Variants in ZNF704 observed in about 807,000 individuals in gnomAD.
The protein encoded by ZNF704 is glucocorticoid induced gene 1.
In ZNF704, 10 loss-of-function variants were observed where a neutral mutation model predicts 44.7. The ratio of observed to expected loss-of-function variants is 0.22; its 90% CI spans 0.14 to 0.38. The LOEUF (loss-of-function observed/expected upper bound fraction) is 0.38. ZNF704 is among the 10% of genes least tolerant of loss of function. The pLI, the probability that ZNF704 is intolerant of heterozygous loss-of-function variation, is 1.00. For synonymous variants in ZNF704, 211 were observed against 207.6 expected, an observed-to-expected ratio of 1.02 and a Z score of -0.14; for missense variants, 390 against 545.5, an observed-to-expected ratio of 0.71 and a Z score of 2.84.
At chr8:80,773,948 T>C (rs574445303) in intron 2 of ZNF704, among the ~76,000 whole-genome samples, 19 of 152,296 alleles carry the variant, frequency 1.2e-4, no homozygotes, top group Middle Eastern at 3.4e-3. Flanking sequence ...TTTCATTCAG[T>C]CTAAGATCTT....
chr8:80,651,082 G>A (rs1295788037), intron 7 of ZNF704, among the ~76,000 whole-genome samples: 3 of 152,152 alleles, frequency 2.0e-5, no homozygotes, highest in Non-Finnish European at 4.4e-5. Flanking sequence ...CATAAGTGAA[G>A]GAGAAATAAA....
intron 2 of ZNF704, among the ~76,000 whole-genome samples, chr8:80,806,620 GA>G (rs1395901354): frequency 6.6e-6 from 1 of 152,210 alleles, no homozygotes; most frequent in East Asian, 1.9e-4. Flanking sequence ...TCTCTTCTTG[GA>G]AAAAGGTTCC....
At chr8:80,872,257 A>G (rs1809265281) in intron 1 of ZNF704, among the ~76,000 whole-genome samples, 1 of 152,242 alleles carries the variant, frequency 6.6e-6, no homozygotes, top group Admixed American at 6.5e-5. Flanking sequence ...TTCAACAAGC[A>G]GCTGTCAAAA....
At chr8:80,646,495 T>C (rs1015458570) in intron 7 of ZNF704, among the ~76,000 whole-genome samples, 6 of 151,418 alleles carry the variant, frequency 4.0e-5, no homozygotes, top group African/African-American at 7.3e-5. Flanking sequence ...AAAAAAATTA[T>C]ACAGGTAAGT....
intron 2 of ZNF704, among the ~76,000 whole-genome samples, chr8:80,718,901 T>C (rs1281009038): frequency 1.3e-5 from 2 of 152,236 alleles, no homozygotes; most frequent in South Asian, 2.1e-4. Flanking sequence ...CAATAACCCG[T>C]TGTCCTCATC....
At chr8:80,714,212 C>T (rs981601774) in intron 2 of ZNF704, among the ~76,000 whole-genome samples, 4 of 152,186 alleles carry the variant, frequency 2.6e-5, no homozygotes, top group Non-Finnish European at 1.5e-5. Context: ...TTTCCTGACT[C>T]TTGATCATCT....
chr8:80,661,032 C>G (rs1292621516), intron 6 of ZNF704, among the ~76,000 whole-genome samples: 1 of 152,088 alleles, frequency 6.6e-6, no homozygotes, highest in Non-Finnish European at 1.5e-5. Context: ...AGAAAATATC[C>G]ACAAACTATT....
Position 80,722,617 on chromosome 8 carries a change from G to A in ZNF704, c.222-29510C>T, listed in dbSNP as rs115273269. Among the ~76,000 whole-genome samples the A allele has an allele frequency of 2.6e-3, 395 of 152,336 alleles. 4 individuals are homozygous for A. Among genetic ancestry groups the A allele is most frequent in the African/African-American group, 8.8e-3 (367 of 41,568 alleles). The stretch of plus-strand genomic sequence containing the variant: ...ATATTTTCCATCTTTTGTAGTGTTT[G>A]CAGCACCTAGTTTGTCATCAATTTT... On this transcript the variant is annotated intron_variant, in intron 2 of 8. Coordinates refer to ENST00000327835, the MANE Select transcript of ZNF704 (RefSeq NM_001033723.3).
chr8:80,656,619 T>A (rs767195376), intron 7 of ZNF704, among the ~76,000 whole-genome samples: 7 of 152,248 alleles, frequency 4.6e-5, no homozygotes, highest in Non-Finnish European at 1.0e-4. Context: ...CGGGAAGAGG[T>A]CTTACCCAGG....
At chr8:80,663,386 A>C (rs1366694974) in intron 6 of ZNF704, among the ~76,000 whole-genome samples, 1 of 151,272 alleles carries the variant, frequency 6.6e-6, no homozygotes, top group Non-Finnish European at 1.5e-5. Context: ...AAAAAAAAGT[A>C]ACTTCTGGCA....
chr8:80,876,607 T>TA (rs751485061), upstream of ZNF704, among the ~76,000 whole-genome samples: 4 of 152,212 alleles, frequency 2.6e-5, no homozygotes, highest in African/African-American at 4.8e-5. Context: ...CTCTGGAACT[T>TA]ACCAGCTTTA....
intron 2 of ZNF704, among the ~76,000 whole-genome samples, chr8:80,774,365 C>A (rs1440175390): frequency 1.3e-5 from 2 of 152,138 alleles, no homozygotes; most frequent in East Asian, 1.9e-4. Flanking sequence ...CCACTACAAC[C>A]AGCCTAAATC....
At chr8:80,853,735 T>C (rs1046187105) in intron 1 of ZNF704, among the ~76,000 whole-genome samples, 3 of 152,110 alleles carry the variant, frequency 2.0e-5, no homozygotes, top group East Asian at 3.9e-4. Flanking sequence ...CTTCTATTCA[T>C]TGAAACATTT....
At chr8:80,878,422 A>T (rs1329240335), upstream of ZNF704, among the ~76,000 whole-genome samples, 2 of 152,236 alleles carry the variant, frequency 1.3e-5, no homozygotes, top group African/African-American at 2.4e-5. Flanking sequence ...AGAACAAAAC[A>T]TATAACAAAT....
At chr8:80,642,156 A>T (rs1445678807) in intron 8 of ZNF704, among the ~76,000 whole-genome samples, 1 of 152,232 alleles carries the variant, frequency 6.6e-6, no homozygotes, top group Non-Finnish European at 1.5e-5. Flanking sequence ...AACTGCAAAT[A>T]GTACAAACCC....
chr8:80,674,700 C>T (rs1337690474), intron 4 of ZNF704, among the ~76,000 whole-genome samples: 1 of 152,190 alleles, frequency 6.6e-6, no homozygotes, highest in Non-Finnish European at 1.5e-5. Flanking sequence ...CCCCACCTCC[C>T]AACACCCCTA....
At chr8:80,820,195 G>A (rs1301479373) in intron 2 of ZNF704, among the ~76,000 whole-genome samples, 1 of 152,094 alleles carries the variant, frequency 6.6e-6, no homozygotes, top group East Asian at 1.9e-4. Context: ...CTGTTCCAGG[G>A]CTAGGGATAA....
At chr8:80,808,804 C>A (rs1379939399) in intron 2 of ZNF704, among the ~76,000 whole-genome samples, 1 of 152,206 alleles carries the variant, frequency 6.6e-6, no homozygotes, top group African/African-American at 2.4e-5. Flanking sequence ...TATTTATCAA[C>A]TGTGGTTAGA....
intron 2 of ZNF704, among the ~76,000 whole-genome samples, chr8:80,803,772 G>A (rs926383172): frequency 6.6e-6 from 1 of 152,158 alleles, no homozygotes; most frequent in African/African-American, 2.4e-5. Flanking sequence ...CATAGGCACA[G>A]GCAAAGACTT....
Sources: gnomAD v4.1 joint callset for allele counts (sites outside exome capture counted in the v4.1 genomes callset) on GRCh38, gnomAD v4.1.1 for gene constraint, MANE v1.5 for transcripts, NCBI Gene and HGNC (gene_info 2026-07-23, HGNC 2026-07-21) for gene names.